PHYHIP: variants seen among roughly 807,000 people sequenced by gnomAD.
PHYHIP encodes the protein phytanoyl-CoA 2-hydroxylase interacting protein.
A neutral mutation model predicts 26.1 loss-of-function variants in PHYHIP; 7 were observed. The ratio of observed to expected loss-of-function variants is 0.27; its 90% CI spans 0.15 to 0.50. The LOEUF is 0.50. Among genes scored for constraint, PHYHIP ranks in the 20% least tolerant of loss-of-function variants. The pLI, the probability that PHYHIP is intolerant of heterozygous loss-of-function variation, is 0.98. For synonymous variants in PHYHIP, 206 were observed against 183.4 expected (o/e 1.12, Z -1.00); for missense variants, 232 against 454.7 (o/e 0.51, Z 4.45).
At chr8:22,223,199 TAAAAATACAAA>T (rs1829667089) in intron 4 of PHYHIP, among the ~76,000 whole-genome samples, 2 of 150,842 alleles carry the variant, frequency 1.3e-5, no homozygotes, top group Admixed American at 1.3e-4. Flanking sequence ...CCCACTTCAT[TAAAAATACAAA>T]AATTAGCCGG....
At chr8:22,230,524 C>T (rs1391014738) in intron 1 of PHYHIP, among the ~76,000 whole-genome samples, 1 of 152,028 alleles carries the variant, frequency 6.6e-6, no homozygotes, top group East Asian at 1.9e-4. Context: ...TTCTCTACAC[C>T]CAGAAGACTG....
chr8:22,223,360 CA>C (rs750178076), intron 4 of PHYHIP, among the ~76,000 whole-genome samples: 10,211 of 62,064 alleles, frequency 0.16, 489 homozygotes, highest in African/African-American at 0.28. Flanking sequence ...GACGCCATCT[CA>C]AAAAAAAAAA....
chr8:22,222,988 C>T (rs1462811971), intron 4 of PHYHIP, among the ~76,000 whole-genome samples: 1 of 152,126 alleles, frequency 6.6e-6, no homozygotes, highest in African/African-American at 2.4e-5. Context: ...ACCAAGCAGG[C>T]CTTGCTTCTT....
intron 1 of PHYHIP, 68 bp from the exon 2 acceptor site, chr8:22,228,454 A>G: frequency 1.1e-6 from 1 of 876,876 alleles, no homozygotes; most frequent in Non-Finnish European, 1.8e-6. Context: ...TCCTCCTCCC[A>G]ATATCCCTTT....
In PHYHIP at chr8:22,221,567, G is replaced by A. The variant is rs765139444; in HGVS notation, c.779C>T (p.Ala260Val). ...GCTGCAGGTCAGGAACTTGTTGCAAGCAATGTCCAGGAGGGGCAGGCGGTC... is the reference window on the plus strand; with the variant it reads ...GCTGCAGGTCAGGAACTTGTTGCAAACAATGTCCAGGAGGGGCAGGCGGTC... ...CRDRLPLLDI[A>V]CNKFLTCSVE... The change falls in exon 5 of 5, where the codon GCT becomes GTT. Residue 260 changes from alanine (A) to valine (V), a missense_variant. Ala to Val is a moderately conservative substitution (Grantham distance 64). Transcript: ENST00000454243. The surrounding 1 kb of genome is among the most constrained non-coding windows in gnomAD (Gnocchi z 7.9). 3.7e-6 allele frequency: 6 copies of A among 1,614,010 alleles called. No individual in the cohort carries two copies.
intron 4 of PHYHIP, among the ~76,000 whole-genome samples, chr8:22,223,019 C>A (rs1829663276): frequency 6.6e-6 from 1 of 152,012 alleles, no homozygotes; most frequent in South Asian, 2.1e-4. Context: ...CCCAAAGACT[C>A]CCAAGGTCCT....
rs7836093 is a variant in PHYHIP, at chr8:22,228,667, G to A, written c.-29-281C>T. ...CAGTGGGAATGCTGCAAAGCCGGGC[G>A]GGGACAGATTTGCAGCAGATGGAGC... On this transcript the variant is annotated intron_variant, in intron 1 of 4. Coordinates refer to ENST00000454243, the MANE Select transcript of PHYHIP (RefSeq NM_014759.5). 1.6e-3 allele frequency: 388 copies of A among 240,214 alleles called. 1 individual carries two copies. Among genetic ancestry groups the A allele is most frequent in the African/African-American group, 7.8e-3 (351 of 44,822 alleles). 14.9% of individuals were successfully genotyped at this position (240,214 alleles called of 1,614,324 possible).
chr8:22,221,491 C>T lies in PHYHIP; in HGVS notation c.855G>A (p.Glu285=), dbSNP rs376025038. 124 of 1,614,110 alleles carry T rather than the reference C, an allele frequency of 7.7e-5. No individual in the cohort carries two copies. In the African/African-American group the frequency reaches 1.4e-3, roughly 19 times the overall value. The change falls in exon 5 of 5, where the codon GAG becomes GAA. Residue 285 remains glutamate (E), a synonymous_variant. Transcript: ENST00000454243. The surrounding 1 kb of genome is among the most constrained non-coding windows in gnomAD (Gnocchi z 7.9). ...GGTCGACGGGCTCAGTGTAGATGAT[C>T]TCCAGGATGAGGTCCTGGGCGTGGC... ...VFRHAQDLIL[E]IIYTEPVDLS...
chr8:22,221,929 T>C lies in PHYHIP; in HGVS notation c.459-42A>G. 5 of 1,453,124 alleles carry C rather than the reference T, an allele frequency of 3.4e-6. 1 individual carries two copies. The highest frequency in any genetic ancestry group is 2.8e-5 in the South Asian group (2 of 72,178). 90.0% of individuals were successfully genotyped at this position (1,453,124 alleles called of 1,614,324 possible). A position where few individuals can be genotyped will look rare whatever the true frequency, so the allele number is the denominator to read the frequency against. On this transcript the variant is annotated intron_variant, in intron 4 of 4. Transcript: ENST00000454243. This position sits in a 1 kb window ranked among gnomAD's most constrained non-coding sequence, Gnocchi z 7.9. ...GACACACCAAAGGGAAGAGAAGATG[T>C]GGCTGGTGAGCCGGGCTGAGGCTTG...
rs974808736 is a variant in PHYHIP, at chr8:22,227,002, G to A, written c.189C>T (p.Ala63=). 3.1e-6 allele frequency: 5 copies of A among 1,612,814 alleles called. No homozygotes were observed. Among genetic ancestry groups the A allele is most frequent in the African/African-American group, 1.3e-5 (1 of 74,932 alleles). Residue 63 remains alanine, a synonymous_variant, in exon 3 of 5, where the codon GCC becomes GCT. Transcript: ENST00000454243. The part of the protein sequence containing the change: ...KHRDVPTKLV[A]KAVPLPMTVR... Reference sequence around the variant, plus strand: ...CCGTCATGGGCAGCGGCACTGCCTTGGCCACGAGCTTGGTGGGGACGTCCT... The same window carrying A: ...CCGTCATGGGCAGCGGCACTGCCTTAGCCACGAGCTTGGTGGGGACGTCCT...
intron 1 of PHYHIP, among the ~76,000 whole-genome samples, chr8:22,231,507 A>T (rs1040754206): frequency 2.0e-5 from 3 of 152,168 alleles, no homozygotes; most frequent in South Asian, 2.1e-4. Flanking sequence ...CCCCATGCCC[A>T]TTCAAACAGC....
intron 3 of PHYHIP, among the ~76,000 whole-genome samples, chr8:22,225,640 CAAAAAA>C (rs57092360): frequency 1.6e-5 from 2 of 127,978 alleles, no homozygotes; most frequent in Admixed American, 8.0e-5. Context: ...ACTAAAAATA[CAAAAAA>C]AAAAAAAAAA....
chr8:22,227,241 C>G (rs1032973824), intron 2 of PHYHIP, among the ~76,000 whole-genome samples: 1 of 152,230 alleles, frequency 6.6e-6, no homozygotes, highest in African/African-American at 2.4e-5. Context: ...CCCCCTGACA[C>G]CCCGTTCTCT....
intron 2 of PHYHIP, 101 bp from the exon 3 acceptor site, chr8:22,227,126 C>G: frequency 9.2e-7 from 1 of 1,083,118 alleles, no homozygotes; most frequent in Middle Eastern, 2.2e-4. Flanking sequence ...GGCCCTGTTT[C>G]TCCTGAGCAG....
intron 1 of PHYHIP, among the ~76,000 whole-genome samples, chr8:22,230,343 T>G (rs1000586732): frequency 6.6e-6 from 1 of 152,032 alleles, no homozygotes; most frequent in Non-Finnish European, 1.5e-5. Flanking sequence ...CTTGGAGTCC[T>G]CCTAGAAATA....
intron 1 of PHYHIP, among the ~76,000 whole-genome samples, chr8:22,229,153 A>G (rs1244873777): frequency 6.6e-6 from 1 of 152,086 alleles, no homozygotes. Flanking sequence ...GGCACACACT[A>G]TCATTATCTC....
chr8:22,231,192 C>T (rs1829858912), intron 1 of PHYHIP, among the ~76,000 whole-genome samples: 1 of 152,108 alleles, frequency 6.6e-6, no homozygotes, highest in South Asian at 2.1e-4. Context: ...TGCTCTGGGT[C>T]TCACCTCCCC....
At position 22,221,868 on chromosome 8, in the gene PHYHIP, G is replaced by A; in HGVS notation, c.478C>T (p.Leu160=). The change falls in exon 5 of 5, where the codon CTG becomes TTG. Residue 160 remains leucine, a synonymous_variant. Transcript: ENST00000454243. The surrounding 1 kb of genome is among the most constrained non-coding windows in gnomAD (Gnocchi z 7.9). ...QHARTHCGNM[L]QPYLKDNSGS... ...CTGTTGTCCTTCAGGTAAGGCTGCA[G>A]CATGTTCCCGCAGTGGGTCCTGCCC... The A allele has an allele frequency of 6.5e-7, 1 of 1,533,510 alleles. No individual in the cohort carries two copies. Among genetic ancestry groups the A allele is most frequent in the Non-Finnish European group, 8.8e-7 (1 of 1,137,306 alleles). The allele number at this position is 1,533,510 out of a possible 1,614,324, so 95.0% of individuals were successfully genotyped here. A position where few individuals can be genotyped will look rare whatever the true frequency, so the allele number is the denominator to read the frequency against.
intron 1 of PHYHIP, among the ~76,000 whole-genome samples, chr8:22,230,613 C>G (rs1000560317): frequency 3.3e-5 from 5 of 152,086 alleles, no homozygotes; most frequent in Non-Finnish European, 5.9e-5. Flanking sequence ...CACCCCAAGA[C>G]AGGCATGTAC....
Sources: gnomAD v4.1 joint callset for allele counts (sites outside exome capture counted in the v4.1 genomes callset) on GRCh38, gnomAD v4.1.1 for gene constraint, Gnocchi (gnomAD v3.1) non-coding constraint, MANE v1.5 for transcripts, NCBI Gene and HGNC (gene_info 2026-07-23, HGNC 2026-07-21) for gene names.